The following HDAC5 variants were observed in gnomAD, a reference collection of about 807,000 sequenced individuals.
HDAC5 encodes antigen NY-CO-9.
Under a neutral mutation model 133.3 loss-of-function variants are expected in HDAC5, and 25 were observed. The ratio of observed to expected loss-of-function variants is 0.19; its 90% CI spans 0.14 to 0.26. The LOEUF is 0.26. HDAC5 is among the 10% of genes least tolerant of loss of function. The pLI is 1.00. For synonymous variants in HDAC5, 589 were observed against 610.8 expected (o/e 0.96, Z 0.53); for missense variants, 1,041 against 1,460.5 (o/e 0.71, Z 4.68).
chr17:44,100,578 CAAAAAA>C (rs869274112), intron 3 of HDAC5, among the ~76,000 whole-genome samples: 21 of 89,376 alleles, frequency 2.3e-4, no homozygotes, highest in African/African-American at 6.7e-4. Flanking sequence ...ACTAAAGATA[CAAAAAA>C]AAAAAAAAAA....
chr17:44,082,189 C>G, intron 20 of HDAC5: 1 of 190,182 alleles, frequency 5.3e-6, no homozygotes, highest in Non-Finnish European at 1.1e-5. Flanking sequence ...CTCGTTCTTA[C>G]TACTCGAGGT....
At chr17:44,079,101 A>T in intron 24 of HDAC5, 43 bp downstream of exon 24, 1 of 1,595,790 alleles carries the variant, frequency 6.3e-7, no homozygotes, top group Non-Finnish European at 8.6e-7. Context: ...CTGGCCCCTC[A>T]GACCTCTGGC....
At chr17:44,100,013 T>C (rs947597554) in intron 3 of HDAC5, among the ~76,000 whole-genome samples, 1 of 152,126 alleles carries the variant, frequency 6.6e-6, no homozygotes, top group African/African-American at 2.4e-5. Context: ...GGGGAGATGA[T>C]GTAGGTGCTC....
intron 3 of HDAC5, among the ~76,000 whole-genome samples, chr17:44,109,802 AC>A (rs1598020330): frequency 6.6e-6 from 1 of 152,126 alleles, no homozygotes; most frequent in African/African-American, 2.4e-5. Context: ...ACACACAGAC[AC>A]CCACACTTGA....
At chr17:44,116,029 T>C (rs1461303657) in intron 2 of HDAC5, 1 of 152,254 alleles carries the variant, frequency 6.6e-6, no homozygotes, top group African/African-American at 2.4e-5. Context: ...CTGGGTTGAT[T>C]ATCACATTTC....
At chr17:44,079,415 G>A in intron 23 of HDAC5, 138 bp from the exon 24 acceptor site, 3 of 759,604 alleles carry the variant, frequency 3.9e-6, no homozygotes, top group Non-Finnish European at 6.2e-6. Flanking sequence ...GCCAAGGCGG[G>A]CAGATCACAA....
intron 2 of HDAC5, among the ~76,000 whole-genome samples, chr17:44,112,021 TG>T (rs1471848861): frequency 2.6e-5 from 4 of 152,036 alleles, no homozygotes; most frequent in Non-Finnish European, 5.9e-5. Context: ...GAGGCACAGA[TG>T]GGAAAACTGA....
At chr17:44,092,548 G>A (rs1442023719) in intron 7 of HDAC5, 21 bp from the exon 8 acceptor site, 17 of 1,608,620 alleles carry the variant, frequency 1.1e-5, no homozygotes, top group Non-Finnish European at 1.4e-5. Flanking sequence ...GGTAACCGAG[G>A]TTCAGATACG....
In HDAC5 at chr17:44,087,700, A is replaced by G. The variant is rs758727835; in HGVS notation, c.1600-4T>C. 8.9e-6 allele frequency: 14 copies of G among 1,576,688 alleles called. No individual in the cohort carries two copies. Among genetic ancestry groups the G allele is most frequent in the African/African-American group, 6.7e-5 (5 of 74,312 alleles). On this transcript the variant is annotated splice_polypyrimidine_tract_variant and splice_region_variant and intron_variant, in intron 12 of 26. Coordinates refer to ENST00000682912, the MANE Select transcript of HDAC5 (RefSeq NM_005474.5). ...GCTCCCCTGTCTTGGTGAGGATCTG[A>G]TAACAGAATATGGGGGCACATCAGC...
At chr17:44,089,864 G>A (rs1312000744) in intron 11 of HDAC5, among the ~76,000 whole-genome samples, 2 of 150,434 alleles carry the variant, frequency 1.3e-5, no homozygotes, top group Non-Finnish European at 3.0e-5. Flanking sequence ...CCAGGAGGTG[G>A]AGGGTGCAGT....
intron 3 of HDAC5, among the ~76,000 whole-genome samples, chr17:44,094,889 G>A (rs890518708): frequency 3.3e-5 from 5 of 151,864 alleles, no homozygotes; most frequent in Admixed American, 2.0e-4. Context: ...TGACAGCCTC[G>A]ACCTCAAGCA....
chr17:44,113,202 C>T (rs758757891), intron 2 of HDAC5, among the ~76,000 whole-genome samples: 6 of 152,150 alleles, frequency 3.9e-5, no homozygotes, highest in South Asian at 2.1e-4. Flanking sequence ...AAGAGGAAGG[C>T]GTCAGTTACC....
chr17:44,092,953 C>G, intron 6 of HDAC5, 139 bp downstream of exon 6: 1 of 665,174 alleles, frequency 1.5e-6, no homozygotes, highest in East Asian at 2.8e-5. Flanking sequence ...GGAAATAAAC[C>G]AGGGATGGGG....
chr17:44,108,071 G>C (rs2052082820), intron 3 of HDAC5, among the ~76,000 whole-genome samples: 1 of 152,178 alleles, frequency 6.6e-6, no homozygotes. Flanking sequence ...ACTAAGCTGG[G>C]ATGATGGTGG....
At chr17:44,098,420 G>A (rs1327929038) in intron 3 of HDAC5, among the ~76,000 whole-genome samples, 1 of 152,136 alleles carries the variant, frequency 6.6e-6, no homozygotes, top group Non-Finnish European at 1.5e-5. Context: ...GTGGTGGCCA[G>A]TTACCCAGGG....
chr17:44,084,691 G>GT lies in HDAC5; in HGVS notation c.2185-17dup. ...CTCGGATCCGCTGCCAGGAGGATCA[G>GT]TAAGAGGGGTCACACAAAGGCACAG... On this transcript the variant is annotated splice_polypyrimidine_tract_variant and intron_variant, in intron 15 of 26. Transcript: ENST00000682912. 1.2e-6 allele frequency: 2 copies of GT among 1,613,546 alleles called. No homozygotes were observed. The highest frequency in any genetic ancestry group is 2.2e-5 in the South Asian group (2 of 91,062).
chr17:44,098,042 C>T (rs751286679), intron 3 of HDAC5, among the ~76,000 whole-genome samples: 1 of 152,274 alleles, frequency 6.6e-6, no homozygotes, highest in Non-Finnish European at 1.5e-5. Flanking sequence ...TATTAATTTG[C>T]AGGACCTGCA....
chr17:44,114,236 G>GA (rs1453892733), intron 2 of HDAC5, among the ~76,000 whole-genome samples: 1 of 152,236 alleles, frequency 6.6e-6, no homozygotes, highest in Non-Finnish European at 1.5e-5. Context: ...TGTGCCAGGG[G>GA]GCATCTCAGT....
intron 11 of HDAC5, among the ~76,000 whole-genome samples, 155 bp from the exon 12 acceptor site, chr17:44,088,753 C>T (rs1878963734): frequency 6.6e-6 from 1 of 152,080 alleles, no homozygotes; most frequent in Non-Finnish European, 1.5e-5. Context: ...CCCACCCAAA[C>T]CTGAGCTCCA....
Sources: allele counts gnomAD v4.1 joint callset (sites outside exome capture counted in the v4.1 genomes callset), GRCh38; gene constraint gnomAD v4.1.1; transcripts MANE v1.5; gene names NCBI Gene and HGNC (gene_info 2026-07-23, HGNC 2026-07-21).